Variants in SLC7A6 observed in about 807,000 individuals in gnomAD.
The protein encoded by SLC7A6 is Y+L amino acid transporter 2.
A neutral mutation model predicts 46.6 loss-of-function variants in SLC7A6; 29 were observed. That is an observed-to-expected ratio of 0.62 (90% CI 0.46 to 0.85). SLC7A6 has a LOEUF of 0.85. SLC7A6 is among the 40% of genes least tolerant of loss of function. SLC7A6 has a pLI of 0.00. For missense variants in SLC7A6, 527 were observed against 647.6 expected, an observed-to-expected ratio of 0.81 and a Z score of 2.02; for synonymous variants, 276 against 257.3, an observed-to-expected ratio of 1.07 and a Z score of -0.70.
chr16:68,289,614 T>C (rs1342344824), intron 4 of SLC7A6, among the ~76,000 whole-genome samples: 2 of 152,156 alleles, frequency 1.3e-5, no homozygotes, highest in Non-Finnish European at 1.5e-5. Flanking sequence ...TGGGCTTCCT[T>C]AGAAGTCTGG....
At chr16:68,282,044 CCATT>C (rs2042837627) in intron 3 of SLC7A6, among the ~76,000 whole-genome samples, 1 of 152,120 alleles carries the variant, frequency 6.6e-6, no homozygotes, top group African/African-American at 2.4e-5. Flanking sequence ...CCCTGAGTAT[CCATT>C]GTTTCCATGC....
chr16:68,280,021 G>C (rs2042799967), intron 3 of SLC7A6, among the ~76,000 whole-genome samples: 1 of 152,238 alleles, frequency 6.6e-6, no homozygotes, highest in Non-Finnish European at 1.5e-5. Flanking sequence ...GTAGGCTTTA[G>C]GGTTCAGCTT....
At chr16:68,296,896 A>G (rs2043181524) in intron 10 of SLC7A6, 86 bp downstream of exon 10, 2 of 1,437,258 alleles carry the variant, frequency 1.4e-6, no homozygotes, top group Admixed American at 2.1e-5. Context: ...GCTTCCCCAT[A>G]CTCAGAATTT....
In SLC7A6 at chr16:68,290,381, C is replaced by T. The variant is rs936900701; in HGVS notation, c.650-15C>T. ...TCCTTCTCTCTGAACCCCTCACCTG[C>T]CTTTGCCCCCACAGGACACTCTGAG... On this transcript the variant is annotated splice_polypyrimidine_tract_variant and intron_variant, in intron 4 of 10. Transcript: ENST00000219343. The T allele has an allele frequency of 3.1e-6, 5 of 1,613,814 alleles. No individual in the cohort carries two copies. The highest frequency in any genetic ancestry group is 3.4e-6 in the Non-Finnish European group (4 of 1,179,976).
At chr16:68,279,068 C>T (rs969362285) in intron 3 of SLC7A6, among the ~76,000 whole-genome samples, 2 of 151,958 alleles carry the variant, frequency 1.3e-5, no homozygotes, top group African/African-American at 4.8e-5. Flanking sequence ...CATGGTAGCT[C>T]ATGGCTTTTG....
Position 68,296,752 on chromosome 16 carries a change from CT to C in SLC7A6, c.1397del (p.Phe466SerfsTer34). ...TTGCCCTTTCTGGAGTCCCTTTCTA[CT>C]TCATGGGTGTTTACCTGCCAGAGTC... Reference protein sequence around the residue: ...GIALSGVPFYFMGVYLPESRR... With the variant: ...GIALSGVPFYXMGVYLPESRR... On this transcript the variant is annotated frameshift_variant, in exon 10 of 11. Coordinates refer to ENST00000219343, the MANE Select transcript of SLC7A6 (RefSeq NM_003983.6). LOFTEE classifies it high-confidence loss of function. The C allele has an allele frequency of 6.2e-7, 1 of 1,614,168 alleles. No homozygotes were observed. The highest frequency in any genetic ancestry group is 8.5e-7 in the Non-Finnish European group (1 of 1,180,036).
At chr16:68,271,916 C>A (rs754659611) in intron 2 of SLC7A6, among the ~76,000 whole-genome samples, 2 of 151,934 alleles carry the variant, frequency 1.3e-5, no homozygotes, top group Non-Finnish European at 2.9e-5. Context: ...ATTCTCCTGC[C>A]TCAGCCTCCT....
rs1438716757 is a variant in SLC7A6 at position 68,301,685 on chromosome 16, G to A, written c.*4357G>A. On this transcript the variant is annotated 3_prime_UTR_variant, in exon 11 of 11. Transcript: ENST00000219343. ...CGTATAGGATTTTTTGTTGTTGTAA[G>A]AGTTGTAGTCATATTGTAAATATTT... is the stretch of plus-strand genomic sequence containing the variant. 1 of 249,978 alleles carries A rather than the reference G, an allele frequency of 4.0e-6. No homozygotes were observed. Among genetic ancestry groups the A allele is most frequent in the African/African-American group, 2.2e-5 (1 of 44,588 alleles). The allele number at this position is 249,978 out of a possible 1,614,324, so 15.5% of individuals were successfully genotyped here.
intron 3 of SLC7A6, among the ~76,000 whole-genome samples, chr16:68,286,205 G>A (rs938348392): frequency 2.0e-5 from 3 of 151,946 alleles, no homozygotes; most frequent in Non-Finnish European, 4.4e-5. Flanking sequence ...ACCTGAGGGA[G>A]AGACTTGAGA....
chr16:68,297,253 C>G lies in SLC7A6; in HGVS notation c.1473C>G (p.Thr491=). 1 of 1,614,008 alleles carries G rather than the reference C, an allele frequency of 6.2e-7. No individual in the cohort carries two copies. Among genetic ancestry groups the G allele is most frequent in the Non-Finnish European group, 8.5e-7 (1 of 1,179,936 alleles). ...RNVLAAITRG[T]QQLCFCVLTE... Reference sequence around the variant, plus strand: ...ATTTAGCTGCTATCACCAGAGGCACCCAGCAGCTTTGCTTTTGTGTCCTGA... The same window carrying G: ...ATTTAGCTGCTATCACCAGAGGCACGCAGCAGCTTTGCTTTTGTGTCCTGA... Residue 491 remains threonine, a synonymous_variant, in exon 11 of 11, where the codon ACC becomes ACG. Coordinates refer to ENST00000219343, the MANE Select transcript of SLC7A6 (RefSeq NM_003983.6).
chr16:68,267,604 T>C lies in SLC7A6; in HGVS notation c.-37+883T>C, dbSNP rs117737518. ...AACCAGAGGGGGGAATAAAAAGATT[T>C]TGATGTATTTCTCTGTGATATAGCA... On this transcript the variant is annotated intron_variant, in intron 2 of 10. Transcript: ENST00000219343. 5.1e-3 allele frequency among the ~76,000 whole-genome samples: 774 copies of C among 152,286 alleles called. 7 individuals are homozygous for C. Among genetic ancestry groups the C allele is most frequent in the Non-Finnish European group, 6.8e-3 (464 of 68,018 alleles).
chr16:68,278,952 C>A (rs1044727368), intron 3 of SLC7A6, among the ~76,000 whole-genome samples: 3 of 152,074 alleles, frequency 2.0e-5, no homozygotes, highest in Non-Finnish European at 4.4e-5. Flanking sequence ...CCCCACCTCC[C>A]TCCCGGACAG....
chr16:68,300,604 G>T lies in SLC7A6; in HGVS notation c.*3276G>T. On this transcript the variant is annotated 3_prime_UTR_variant, in exon 11 of 11. Transcript: ENST00000219343. ...TATTCAGATTTAAAAGGTTTTCAAA[G>T]AATTACTTTCTTCCATGTTCAAAGC... The T allele has an allele frequency of 2.0e-6, 2 of 983,944 alleles. No homozygotes were observed. Among genetic ancestry groups the T allele is most frequent in the Non-Finnish European group, 2.4e-6 (2 of 828,624 alleles). 61.0% of individuals were successfully genotyped at this position (983,944 alleles called of 1,614,324 possible). A position where few individuals can be genotyped will look rare whatever the true frequency, so the allele number is the denominator to read the frequency against.
chr16:68,271,686 A>G (rs1420769773), intron 2 of SLC7A6, among the ~76,000 whole-genome samples: 1 of 152,306 alleles, frequency 6.6e-6, no homozygotes, highest in East Asian at 1.9e-4. Context: ...GGACTTAGTC[A>G]TGTGCTCTTG....
intron 3 of SLC7A6, among the ~76,000 whole-genome samples, chr16:68,280,526 T>A (rs1214025274): frequency 6.6e-6 from 1 of 152,002 alleles, no homozygotes; most frequent in Non-Finnish European, 1.5e-5. Flanking sequence ...AGTTCAGGCA[T>A]CATTGGACCC....
Position 68,274,682 on chromosome 16 carries a change from C to G in SLC7A6, c.-36-9C>G. 6.2e-7 allele frequency: 1 copy of G among 1,606,832 alleles called. No homozygotes were observed. The highest frequency in any genetic ancestry group is 8.5e-7 in the Non-Finnish European group (1 of 1,175,192). ...TGCCCTAGACTGACATACTTGTATT[C>G]TTTGCCAGGCCACAGCAAACACAGG... On this transcript the variant is annotated splice_polypyrimidine_tract_variant and intron_variant, in intron 2 of 10. Transcript: ENST00000219343.
intron 3 of SLC7A6, among the ~76,000 whole-genome samples, chr16:68,286,554 A>G (rs1369365737): frequency 1.3e-5 from 2 of 152,184 alleles, no homozygotes; most frequent in Admixed American, 1.3e-4. Flanking sequence ...AGGTGCACAT[A>G]AAAGTTCTGT....
rs1291114081 is a variant in SLC7A6, at chr16:68,298,017, A to C, written c.*689A>C. ...ATGCTGTTTAGCACAATTTCTATTG[A>C]GTCTTACCTGCAACAATGAACCTTA... On this transcript the variant is annotated 3_prime_UTR_variant, in exon 11 of 11. Coordinates refer to ENST00000219343, the MANE Select transcript of SLC7A6 (RefSeq NM_003983.6). 6 of 152,620 alleles carry C rather than the reference A, an allele frequency of 3.9e-5. No homozygotes were observed. The highest frequency in any genetic ancestry group is 6.5e-5 in the Admixed American group (1 of 15,276). 9.5% of individuals were successfully genotyped at this position (152,620 alleles called of 1,614,324 possible). A position where few individuals can be genotyped will look rare whatever the true frequency, so the allele number is the denominator to read the frequency against.
intron 3 of SLC7A6, among the ~76,000 whole-genome samples, chr16:68,278,190 C>T (rs990412887): frequency 1.0e-4 from 15 of 150,608 alleles, no homozygotes; most frequent in African/African-American, 2.0e-4. Context: ...CTCTTGACCT[C>T]GTGATCCGCC....
Sources: allele counts gnomAD v4.1 joint callset (sites outside exome capture counted in the v4.1 genomes callset), GRCh38; gene constraint gnomAD v4.1.1; transcripts MANE v1.5; gene names NCBI Gene and HGNC (gene_info 2026-07-23, HGNC 2026-07-21).